AZI2: variants seen among roughly 807,000 people sequenced by gnomAD.
AZI2 encodes 5-azacytidine induced 2.
Under a neutral mutation model 45.8 loss-of-function variants are expected in AZI2, and 22 were observed. That is an observed-to-expected ratio of 0.48 (90% CI 0.34 to 0.69). AZI2 has a LOEUF of 0.69. AZI2 is among the 30% of genes least tolerant of loss of function. AZI2 has a pLI of 0.01. For missense variants in AZI2, 417 were observed against 441.5 expected (o/e 0.94, Z 0.50); for synonymous variants, 137 against 156.7 (o/e 0.87, Z 0.94).
intron 2 of AZI2, among the ~76,000 whole-genome samples, chr3:28,339,829 A>G (rs1176738656): frequency 1.3e-5 from 2 of 152,178 alleles, no homozygotes; most frequent in Admixed American, 6.5e-5. Flanking sequence ...CATAAAGCCA[A>G]GTAGATTGGT....
intron 5 of AZI2, among the ~76,000 whole-genome samples, chr3:28,334,261 G>T (rs1007734090): frequency 1.3e-5 from 2 of 151,720 alleles, no homozygotes; most frequent in Non-Finnish European, 2.9e-5. Flanking sequence ...TTTTTAAAAT[G>T]GCTAGACTAA....
chr3:28,323,800 CTTA>C lies in AZI2; in HGVS notation c.*239_*241del, dbSNP rs2125632119. 2 of 317,120 alleles carry C rather than the reference CTTA, an allele frequency of 6.3e-6. No homozygotes were observed. The highest frequency in any genetic ancestry group is 1.1e-5 in the Non-Finnish European group (2 of 175,340). 19.6% of individuals were successfully genotyped at this position (317,120 alleles called of 1,614,324 possible). A position where few individuals can be genotyped will look rare whatever the true frequency, so the allele number is the denominator to read the frequency against. On this transcript the variant is annotated 3_prime_UTR_variant, in exon 8 of 8. Transcript: ENST00000479665. Reference sequence around the variant, plus strand: ...GAGTTTTTTAAACACCTTAAGTTTACTTATTAATTAGTATAGTAGCATATTTCA... The same window carrying C: ...GAGTTTTTTAAACACCTTAAGTTTACTTAATTAGTATAGTAGCATATTTCA...
intron 7 of AZI2, among the ~76,000 whole-genome samples, chr3:28,325,978 T>C (rs1410564523): frequency 1.3e-5 from 2 of 151,132 alleles, no homozygotes; most frequent in Non-Finnish European, 3.0e-5. Context: ...TGAGGAGAAC[T>C]ATTTATGACA....
intron 1 of AZI2, among the ~76,000 whole-genome samples, chr3:28,346,522 TG>T (rs1236326182): frequency 8.6e-5 from 13 of 151,868 alleles, no homozygotes; most frequent in Admixed American, 8.5e-4. Context: ...CTCAAAGAGG[TG>T]AGGTAAATTC....
chr3:28,337,009 A>T, intron 4 of AZI2, 124 bp from the exon 5 acceptor site: 1 of 931,552 alleles, frequency 1.1e-6, no homozygotes. Context: ...TATATGATCA[A>T]TAGTTTTTTA....
chr3:28,328,263 G>C (rs554781429), intron 6 of AZI2, among the ~76,000 whole-genome samples: 1 of 151,038 alleles, frequency 6.6e-6, no homozygotes, highest in South Asian at 2.1e-4. Context: ...TTGCTACAAT[G>C]AATGTTTCAC....
intron 6 of AZI2, among the ~76,000 whole-genome samples, chr3:28,327,376 A>G (rs1703425536): frequency 6.6e-6 from 1 of 151,070 alleles, no homozygotes; most frequent in East Asian, 1.9e-4. Context: ...TTGTTTTGAC[A>G]CTGTGAATTG....
At chr3:28,348,066 A>T (rs767529187) in intron 1 of AZI2, 1 of 152,210 alleles carries the variant, frequency 6.6e-6, no homozygotes, top group Non-Finnish European at 1.5e-5. Context: ...AGAGGGTGTC[A>T]GCCTACCTTG....
In AZI2 at chr3:28,321,208, A is replaced by G. The variant is rs1703176757; in HGVS notation, c.*2834T>C. ...GAGACCACACAGCATAGGGGCAAAC[A>G]TGCCCATATTTCCACATTGACCTTT... On this transcript the variant is annotated 3_prime_UTR_variant, in exon 8 of 8. Transcript: ENST00000479665. The G allele has an allele frequency of 6.6e-6, 1 of 151,470 alleles. No individual in the cohort carries two copies. Among genetic ancestry groups the G allele is most frequent in the Admixed American group, 6.6e-5 (1 of 15,152 alleles). The allele number at this position is 151,470 out of a possible 1,614,324, so 9.4% of individuals were successfully genotyped here. A position where few individuals can be genotyped will look rare whatever the true frequency, so the allele number is the denominator to read the frequency against.
chr3:28,347,090 A>G (rs1704269874), intron 1 of AZI2, among the ~76,000 whole-genome samples: 1 of 152,176 alleles, frequency 6.6e-6, no homozygotes, highest in African/African-American at 2.4e-5. Flanking sequence ...GCAACTAAGC[A>G]TCTACTATAC....
At chr3:28,347,762 T>C (rs1054895114) in intron 1 of AZI2, among the ~76,000 whole-genome samples, 1 of 152,242 alleles carries the variant, frequency 6.6e-6, no homozygotes, top group Non-Finnish European at 1.5e-5. Context: ...AAGGATGCAC[T>C]GTTCTCAATT....
intron 1 of AZI2, among the ~76,000 whole-genome samples, chr3:28,341,857 A>G (rs1013037823): frequency 7.2e-5 from 11 of 152,258 alleles, no homozygotes; most frequent in South Asian, 2.1e-4. Flanking sequence ...TTACTTACTA[A>G]TATCAGTCAC....
chr3:28,327,603 C>A (rs2125639946), intron 6 of AZI2, among the ~76,000 whole-genome samples: 1 of 150,972 alleles, frequency 6.6e-6, no homozygotes, highest in African/African-American at 2.4e-5. Flanking sequence ...ATAGAAACTT[C>A]AAAAATGCCT....
At chr3:28,327,217 G>A (rs1202862166) in intron 6 of AZI2, among the ~76,000 whole-genome samples, 1 of 151,062 alleles carries the variant, frequency 6.6e-6, no homozygotes, top group Non-Finnish European at 1.5e-5. Flanking sequence ...AGAGCTTCTT[G>A]CAGAGTCTCA....
chr3:28,338,344 A>G (rs1426169108), intron 3 of AZI2, 149 bp downstream of exon 3: 1 of 852,248 alleles, frequency 1.2e-6, no homozygotes, highest in Admixed American at 3.3e-5. Context: ...ATAAGTTAAA[A>G]TATTACTAAA....
Position 28,336,696 on chromosome 3 carries a change from C to CA in AZI2, c.588+40dup, listed in dbSNP as rs1360587315. The CA allele has an allele frequency of 5.1e-6, 8 of 1,584,120 alleles. No homozygotes were observed. The Middle Eastern group carries it at 6.8e-4, about 136-fold the overall frequency. ...AGTTATAAATCCTACATATGATACACAAAAAATACTGAAATTCTCAATTTA... is the reference window on the plus strand; with the variant it reads ...AGTTATAAATCCTACATATGATACACAAAAAAATACTGAAATTCTCAATTTA... On this transcript the variant is annotated intron_variant, in intron 5 of 7. Coordinates refer to ENST00000479665, the MANE Select transcript of AZI2 (RefSeq NM_022461.5).
intron 1 of AZI2, among the ~76,000 whole-genome samples, chr3:28,346,570 G>T (rs1033902696): frequency 7.0e-6 from 1 of 143,172 alleles, no homozygotes; most frequent in Non-Finnish European, 1.6e-5. Context: ...ACTGAAGTTT[G>T]AATCAAGGCC....
At chr3:28,343,269 G>C (rs973064800) in intron 1 of AZI2, among the ~76,000 whole-genome samples, 2 of 152,016 alleles carry the variant, frequency 1.3e-5, no homozygotes, top group Non-Finnish European at 2.9e-5. Context: ...CATGTGAAGA[G>C]GATGGTTATT....
intron 1 of AZI2, among the ~76,000 whole-genome samples, 168 bp from the exon 2 acceptor site, chr3:28,340,790 C>A (rs1171935641): frequency 6.6e-6 from 1 of 152,026 alleles, no homozygotes; most frequent in Non-Finnish European, 1.5e-5. Flanking sequence ...GGGCAAGTTG[C>A]TTAACCTCTA....
Sources: gnomAD v4.1 joint callset for allele counts (sites outside exome capture counted in the v4.1 genomes callset) on GRCh38, gnomAD v4.1.1 for gene constraint, MANE v1.5 for transcripts, NCBI Gene and HGNC (gene_info 2026-07-23, HGNC 2026-07-21) for gene names.